DIAPH2: variants seen among roughly 807,000 people sequenced by gnomAD.
DIAPH2 encodes the protein diaphanous related formin 2, also known as protein diaphanous homolog 2.
A neutral mutation model predicts 92.7 loss-of-function variants in DIAPH2; 35 were observed. The ratio of observed to expected loss-of-function variants is 0.38; its 90% CI spans 0.29 to 0.50. DIAPH2 has a LOEUF of 0.50. Among genes scored for constraint, DIAPH2 ranks in the 20% least tolerant of loss-of-function variants. The pLI is 0.94. For missense variants in DIAPH2, 701 were observed against 819.5 expected (o/e 0.86, Z 1.77); for synonymous variants, 301 against 280.4 (o/e 1.07, Z -0.73).
intron 9 of DIAPH2, among the ~76,000 whole-genome samples, chrX:96,928,972 C>T (rs1175733748): frequency 2.7e-5 from 3 of 111,431 alleles, no homozygotes; most frequent in Non-Finnish European, 1.9e-5. Flanking sequence ...AATTGCAGGA[C>T]TCATTAACTT....
chrX:97,473,426 C>CT (rs1170301621), intron 26 of DIAPH2, among the ~76,000 whole-genome samples: 1 of 111,688 alleles, frequency 9.0e-6, no homozygotes, highest in Non-Finnish European at 1.9e-5. Context: ...CCTCCGCCCC[C>CT]TGGACTCAAG....
At chrX:97,069,480 C>T (rs996919480) in intron 17 of DIAPH2, among the ~76,000 whole-genome samples, 1 of 110,963 alleles carries the variant, frequency 9.0e-6, no homozygotes, top group Non-Finnish European at 1.9e-5. Flanking sequence ...TTCTTTATAA[C>T]ATTTATAAAG....
intron 4 of DIAPH2, among the ~76,000 whole-genome samples, chrX:96,801,977 C>T (rs945679310): frequency 9.0e-6 from 1 of 111,718 alleles, no homozygotes; most frequent in Non-Finnish European, 1.9e-5. Flanking sequence ...CACATATAAC[C>T]AATACCCAGT....
chrX:97,403,661 G>A (rs992516347), intron 25 of DIAPH2, among the ~76,000 whole-genome samples: 3 of 111,233 alleles, frequency 2.7e-5, no homozygotes, highest in South Asian at 3.8e-4. Context: ...TGTGGAGTTC[G>A]CTTTGAGTAA....
In DIAPH2 at chrX:96,965,145, A is replaced by G. The variant is rs2065886867; in HGVS notation, c.1988A>G (p.Asp663Gly). 11 of 1,196,551 alleles carry G rather than the reference A, an allele frequency of 9.2e-6. No individual in the cohort carries two copies. The highest frequency in any genetic ancestry group is 1.2e-5 in the Non-Finnish European group (11 of 888,181). ...ENCFWLRVKEDKFENPDLFAK... is the reference protein window; with the variant it reads ...ENCFWLRVKEGKFENPDLFAK... ...TGTTTCTGGTTAAGAGTCAAAGAAGACAAGTTTGAGAATCCAGATCTCTTT... is the reference window on the plus strand; with the variant it reads ...TGTTTCTGGTTAAGAGTCAAAGAAGGCAAGTTTGAGAATCCAGATCTCTTT... The change falls in exon 17 of 27, where the codon GAC becomes GGC. Residue 663 changes from aspartate to glycine, a missense_variant. Asp to Gly is a moderately conservative substitution (Grantham distance 94). This residue lies in a region of DIAPH2 where 536 missense variants were observed against 599.3 expected (regional missense o/e 0.89). Coordinates refer to ENST00000324765, the MANE Select transcript of DIAPH2 (RefSeq NM_006729.5).
intron 5 of DIAPH2, among the ~76,000 whole-genome samples, chrX:96,886,007 C>T (rs1264358350): frequency 1.8e-5 from 2 of 110,789 alleles, no homozygotes; most frequent in Admixed American, 1.9e-4. Context: ...CTTAACTTTC[C>T]TGTGTGATTT....
chrX:96,972,484 T>C (rs2065933777), intron 17 of DIAPH2, among the ~76,000 whole-genome samples: 1 of 111,517 alleles, frequency 9.0e-6, no homozygotes, highest in Admixed American at 9.6e-5. Flanking sequence ...TTGTTTCATT[T>C]AGGTTAAGTT....
chrX:97,297,007 C>G (rs1415496526), intron 23 of DIAPH2, among the ~76,000 whole-genome samples: 2 of 107,536 alleles, frequency 1.9e-5, no homozygotes, highest in Non-Finnish European at 3.8e-5. Context: ...GAACTCCCGA[C>G]CTCAGGTGAT....
chrX:97,385,969 A>T (rs1220555804), intron 25 of DIAPH2, among the ~76,000 whole-genome samples: 1 of 112,085 alleles, frequency 8.9e-6, no homozygotes, highest in Non-Finnish European at 1.9e-5. Context: ...AACCAGAGTT[A>T]ATTATTATTA....
At chrX:97,522,264 G>A (rs2070996245) in intron 26 of DIAPH2, among the ~76,000 whole-genome samples, 1 of 111,912 alleles carries the variant, frequency 8.9e-6, no homozygotes, top group Non-Finnish European at 1.9e-5. Flanking sequence ...GTGTGATCTT[G>A]TTACTCTCTA....
chrX:97,496,285 C>G (rs1378595283), intron 26 of DIAPH2, among the ~76,000 whole-genome samples: 5 of 103,481 alleles, frequency 4.8e-5, no homozygotes, highest in Non-Finnish European at 9.7e-5. Flanking sequence ...AAGAGATTCT[C>G]CTCCCTCAGC....
intron 17 of DIAPH2, among the ~76,000 whole-genome samples, chrX:97,032,478 G>A (rs2066382707): frequency 9.1e-6 from 1 of 110,294 alleles, no homozygotes; most frequent in Non-Finnish European, 1.9e-5. Flanking sequence ...TGTTGGTTAG[G>A]CAATTTAGTG....
chrX:97,547,249 A>T (rs1213729525), intron 26 of DIAPH2, among the ~76,000 whole-genome samples: 1 of 111,669 alleles, frequency 9.0e-6, no homozygotes, highest in African/African-American at 3.3e-5. Context: ...GACTGATGGT[A>T]AAACAAGAAA....
intron 24 of DIAPH2, among the ~76,000 whole-genome samples, chrX:97,369,621 C>A (rs1250473857): frequency 9.1e-6 from 1 of 109,513 alleles, no homozygotes; most frequent in Non-Finnish European, 1.9e-5. Flanking sequence ...TAAAGATTAC[C>A]CTGAGTTTTC....
chrX:97,318,256 A>G (rs753923759), intron 23 of DIAPH2, among the ~76,000 whole-genome samples: 72 of 108,985 alleles, frequency 6.6e-4, no homozygotes, highest in African/African-American at 2.3e-3. Flanking sequence ...CTCCTGCCTC[A>G]GCCTCCCGAG....
chrX:97,162,195 G>A (rs766227167), intron 22 of DIAPH2, among the ~76,000 whole-genome samples: 16 of 109,224 alleles, frequency 1.5e-4, no homozygotes, highest in East Asian at 2.9e-4. Context: ...CAATCTTTTC[G>A]AATCATCTAT....
At chrX:96,961,453 A>T (rs1307422575) in intron 16 of DIAPH2, among the ~76,000 whole-genome samples, 89 of 31,762 alleles carry the variant, frequency 2.8e-3, no homozygotes, top group Admixed American at 4.2e-3. Context: ...TATCAGTTTT[A>T]TCTTTTCAAA....
intron 17 of DIAPH2, among the ~76,000 whole-genome samples, chrX:97,005,420 C>T (rs752029234): frequency 1.8e-5 from 2 of 109,362 alleles, no homozygotes; most frequent in African/African-American, 6.7e-5. Flanking sequence ...AACCGTCTCT[C>T]GGATTTCTTT....
rs962776012 is a variant in DIAPH2, at chrX:96,718,336, GTTTTTTTTTTTTTTTTTTTTTT to G, written c.133-17405_133-17384del. Among the ~76,000 whole-genome samples the G allele has an allele frequency of 4.2e-3, 46 of 10,989 alleles. 1 individual carries two copies. The highest frequency in any genetic ancestry group is 0.018 in the African/African-American group (39 of 2,175). The allele number at this position is 10,989 out of a possible 115,157, so 9.5% of individuals were successfully genotyped here. A position where few individuals can be genotyped will look rare whatever the true frequency, so the allele number is the denominator to read the frequency against. On this transcript the variant is annotated intron_variant, in intron 1 of 26. Transcript: ENST00000324765. Reference sequence around the variant, plus strand: ...TGTATATATGTACCACATTTTCTTTGTTTTTTTTTTTTTTTTTTTTTTTTTTTTTTTTTTTTTTATGGTGTCT... The same window carrying G: ...TGTATATATGTACCACATTTTCTTTGTTTTTTTTTTTTTTTTATGGTGTCT...
Sources: allele counts gnomAD v4.1 joint callset (sites outside exome capture counted in the v4.1 genomes callset), GRCh38; gene constraint gnomAD v4.1.1; regional missense constraint gnomAD v4.1.1; transcripts MANE v1.5; gene names NCBI Gene and HGNC (gene_info 2026-07-23, HGNC 2026-07-21).